CSNK1G1: variants seen among roughly 807,000 people sequenced by gnomAD.
CSNK1G1 encodes the protein casein kinase 1 gamma 1.
CSNK1G1 carries 22 observed loss-of-function variants against 59.6 expected under a neutral mutation model. The observed-to-expected ratio is 0.37, with a 90% CI of 0.26 to 0.53. CSNK1G1 has a LOEUF of 0.53. CSNK1G1 is among the 20% of genes least tolerant of loss of function. The probability of loss-of-function intolerance (pLI) is 0.89; values close to 1 mark genes in which losing one functional copy is unlikely to be tolerated. For missense variants in CSNK1G1, 384 were observed against 519.5 expected (o/e 0.74, Z 2.54); for synonymous variants, 179 against 177.1 (o/e 1.01, Z -0.08).
chr15:64,176,376 G>A lies in CSNK1G1; in HGVS notation c.1214+3972C>T. 2.5e-6 allele frequency: 1 copy of A among 398,166 alleles called. No homozygotes were observed. The highest frequency in any genetic ancestry group is 4.4e-6 in the Non-Finnish European group (1 of 225,972). The allele number at this position is 398,166 out of a possible 1,614,324, so 24.7% of individuals were successfully genotyped here. On this transcript the variant is annotated intron_variant, in intron 11 of 11. Transcript: ENST00000303052. The surrounding 1 kb of genome is among the most constrained non-coding windows in gnomAD (Gnocchi z 5.2). ...AGAGGTGAAATGGAAGCGACTCCCT[G>A]TGAGCCATGCAAACATGCAGTATGT...
intron 1 of CSNK1G1, among the ~76,000 whole-genome samples, chr15:64,343,947 G>A (rs1393408945): frequency 6.6e-6 from 1 of 151,732 alleles, no homozygotes; most frequent in African/African-American, 2.4e-5. Context: ...CTAATCTATT[G>A]AATTCAGCAA....
chr15:64,170,949 G>A lies in CSNK1G1; in HGVS notation c.*982C>T, dbSNP rs758746995. On this transcript the variant is annotated 3_prime_UTR_variant, in exon 12 of 12. Coordinates refer to ENST00000303052, the MANE Select transcript of CSNK1G1 (RefSeq NM_022048.5). Reference sequence around the variant, plus strand: ...AGAAGATGAATGAAAATTCAAGTATGTTTTCTTGCCAACCTGAGTGTTCAC... The same window carrying A: ...AGAAGATGAATGAAAATTCAAGTATATTTTCTTGCCAACCTGAGTGTTCAC... 6.6e-6 allele frequency: 1 copy of A among 152,490 alleles called. No homozygotes were observed. The highest frequency in any genetic ancestry group is 1.5e-5 in the Non-Finnish European group (1 of 68,016). The allele number at this position is 152,490 out of a possible 1,614,324, so 9.4% of individuals were successfully genotyped here. A position where few individuals can be genotyped will look rare whatever the true frequency, so the allele number is the denominator to read the frequency against.
chr15:64,319,415 T>C (rs1896441790), intron 1 of CSNK1G1, among the ~76,000 whole-genome samples: 1 of 152,080 alleles, frequency 6.6e-6, no homozygotes, highest in African/African-American at 2.4e-5. Context: ...AAAGGAAATA[T>C]ACCTTTTTTT....
At chr15:64,286,637 C>A (rs567466916) in intron 2 of CSNK1G1, among the ~76,000 whole-genome samples, 10 of 152,070 alleles carry the variant, frequency 6.6e-5, no homozygotes, top group East Asian at 1.9e-4. Flanking sequence ...GATCTTTGTA[C>A]CCCCAGGGCC....
intron 1 of CSNK1G1, among the ~76,000 whole-genome samples, chr15:64,327,028 C>A (rs1357838476): frequency 6.6e-6 from 1 of 151,226 alleles, no homozygotes; most frequent in Non-Finnish European, 1.5e-5. Context: ...GTCCTACGCC[C>A]ACGGAATCTC....
intron 4 of CSNK1G1, among the ~76,000 whole-genome samples, chr15:64,236,270 T>C (rs954689819): frequency 2.0e-5 from 3 of 152,126 alleles, no homozygotes; most frequent in African/African-American, 7.2e-5. Flanking sequence ...GAGATGACAA[T>C]GTCTAAATCT....
At chr15:64,230,904 G>A (rs2082539134) in intron 4 of CSNK1G1, among the ~76,000 whole-genome samples, 1 of 152,050 alleles carries the variant, frequency 6.6e-6, no homozygotes, top group Non-Finnish European at 1.5e-5. Flanking sequence ...AACCCAGGAG[G>A]CAGAGGTTGC....
chr15:64,326,630 C>A (rs533574765), intron 1 of CSNK1G1, among the ~76,000 whole-genome samples: 1 of 150,318 alleles, frequency 6.7e-6, no homozygotes. Context: ...GGTGACAGAG[C>A]GAAACTCTGT....
intron 1 of CSNK1G1, among the ~76,000 whole-genome samples, chr15:64,349,693 T>C (rs1898175366): frequency 6.6e-6 from 1 of 152,194 alleles, no homozygotes; most frequent in Admixed American, 6.6e-5. Context: ...GACTGAGTCT[T>C]TCTGGTCCGC....
At chr15:64,344,713 A>G (rs1381965667) in intron 1 of CSNK1G1, among the ~76,000 whole-genome samples, 3 of 152,234 alleles carry the variant, frequency 2.0e-5, no homozygotes, top group Non-Finnish European at 4.4e-5. Flanking sequence ...TTATATCAGA[A>G]ATAAGACTAC....
At chr15:64,240,124 C>T (rs943202009) in intron 4 of CSNK1G1, among the ~76,000 whole-genome samples, 7 of 152,122 alleles carry the variant, frequency 4.6e-5, no homozygotes, top group East Asian at 1.9e-4. Context: ...ATCCCAGCTA[C>T]GCGGGAGGCT....
In CSNK1G1 at chr15:64,204,846, T is replaced by C. The variant is rs368265744; in HGVS notation, c.850+19A>G. ...GTTTCAAAGCTCAGTCACACTGGAA[T>C]GTCTTTTTAGCATCCCACCTGGAAA... On this transcript the variant is annotated intron_variant, in intron 8 of 11. Coordinates refer to ENST00000303052, the MANE Select transcript of CSNK1G1 (RefSeq NM_022048.5). The C allele has an allele frequency of 5.9e-6, 9 of 1,531,686 alleles. No individual in the cohort carries two copies. Among genetic ancestry groups the C allele is most frequent in the Non-Finnish European group, 8.1e-6 (9 of 1,105,254 alleles). The allele number at this position is 1,531,686 out of a possible 1,614,324, so 94.9% of individuals were successfully genotyped here. A position where few individuals can be genotyped will look rare whatever the true frequency, so the allele number is the denominator to read the frequency against.
intron 10 of CSNK1G1, 32 bp from the exon 11 acceptor site, chr15:64,180,486 C>A: frequency 6.5e-7 from 1 of 1,545,652 alleles, no homozygotes; most frequent in Non-Finnish European, 8.9e-7. Flanking sequence ...GTGTGACAGG[C>A]ACCATGGCAA....
chr15:64,315,151 G>C (rs1896203847), intron 1 of CSNK1G1, among the ~76,000 whole-genome samples: 1 of 152,212 alleles, frequency 6.6e-6, no homozygotes, highest in South Asian at 2.1e-4. Context: ...CGGATGAGAA[G>C]AAGAGGGAAT....
intron 2 of CSNK1G1, among the ~76,000 whole-genome samples, chr15:64,265,196 T>C (rs962019558): frequency 2.0e-5 from 3 of 152,200 alleles, no homozygotes; most frequent in Non-Finnish European, 4.4e-5. Context: ...CAAAAATTAG[T>C]AGCATTTCTA....
chr15:64,207,194 T>C (rs1389399463), intron 7 of CSNK1G1, among the ~76,000 whole-genome samples: 1 of 152,230 alleles, frequency 6.6e-6, no homozygotes, highest in East Asian at 1.9e-4. Context: ...GCATTTATAA[T>C]GTAGACTAAT....
intron 3 of CSNK1G1, among the ~76,000 whole-genome samples, chr15:64,254,412 G>A (rs1249066710): frequency 6.7e-6 from 1 of 149,246 alleles, no homozygotes; most frequent in Non-Finnish European, 1.5e-5. Context: ...GGAGTGCAAT[G>A]GCATGATATT....
intron 1 of CSNK1G1, among the ~76,000 whole-genome samples, chr15:64,316,308 G>T (rs992850172): frequency 6.6e-6 from 1 of 152,070 alleles, no homozygotes; most frequent in African/African-American, 2.4e-5. Context: ...AGGCCAAGGC[G>T]AGCTCATCAC....
chr15:64,183,765 T>A (rs568725145), intron 10 of CSNK1G1, among the ~76,000 whole-genome samples: 1 of 151,348 alleles, frequency 6.6e-6, no homozygotes, highest in Non-Finnish European at 1.5e-5. Context: ...AGATGGAATC[T>A]CGCTCTGTTG....
Sources: allele counts gnomAD v4.1 joint callset (sites outside exome capture counted in the v4.1 genomes callset), GRCh38; gene constraint gnomAD v4.1.1; non-coding constraint Gnocchi (gnomAD v3.1); transcripts MANE v1.5; gene names NCBI Gene and HGNC (gene_info 2026-07-23, HGNC 2026-07-21).